MYO5B: variants seen among roughly 807,000 people sequenced by gnomAD.
MYO5B encodes unconventional myosin-Vb.
MYO5B carries 143 observed loss-of-function variants against 229.3 expected under a neutral mutation model. The ratio of observed to expected loss-of-function variants is 0.62; its 90% CI spans 0.54 to 0.72. MYO5B has a LOEUF of 0.72. MYO5B is among the 30% of genes least tolerant of loss of function. The probability of loss-of-function intolerance (pLI) is 0.00; values close to 1 mark genes in which losing one functional copy is unlikely to be tolerated. For synonymous variants in MYO5B, 918 were observed against 885.2 expected (o/e 1.04, Z -0.66); for missense variants, 2,321 against 2,331.0 (o/e 1.00, Z 0.09).
intron 2 of MYO5B, among the ~76,000 whole-genome samples, chr18:50,040,584 T>C (rs1296350741): frequency 6.6e-6 from 1 of 152,204 alleles, no homozygotes; most frequent in Non-Finnish European, 1.5e-5. Flanking sequence ...GGAAAAATAC[T>C]GAGTCTTTAA....
chr18:50,067,516 A>T (rs75681161), intron 1 of MYO5B, among the ~76,000 whole-genome samples: 1,712 of 152,210 alleles, frequency 0.011, 17 homozygotes, highest in Non-Finnish European at 0.018. Flanking sequence ...TCAATCCCCA[A>T]TATTGGAGAT....
intron 14 of MYO5B, among the ~76,000 whole-genome samples, chr18:49,942,563 C>T (rs1207898862): frequency 3.9e-5 from 6 of 152,110 alleles, no homozygotes; most frequent in Non-Finnish European, 7.4e-5. Context: ...AGGATATGAA[C>T]AGACACTTCT....
intron 8 of MYO5B, among the ~76,000 whole-genome samples, chr18:49,982,175 A>G (rs770302008): frequency 1.3e-5 from 2 of 152,122 alleles, no homozygotes; most frequent in African/African-American, 2.4e-5. Context: ...GGCTCAAGCA[A>G]TCCTCCCACT....
chr18:50,102,231 A>C (rs1239904975), intron 1 of MYO5B, among the ~76,000 whole-genome samples: 6 of 152,172 alleles, frequency 3.9e-5, no homozygotes, highest in Admixed American at 3.3e-4. Context: ...GGGGAACAAC[A>C]TACACTGAGA....
At chr18:49,877,443 G>A (rs918997456) in intron 25 of MYO5B, among the ~76,000 whole-genome samples, 1 of 152,194 alleles carries the variant, frequency 6.6e-6, no homozygotes, top group African/African-American at 2.4e-5. Context: ...TGACTTAGCT[G>A]TTCCTTCCTA....
At chr18:50,119,667 C>T (rs2032025865) in intron 1 of MYO5B, among the ~76,000 whole-genome samples, 1 of 152,136 alleles carries the variant, frequency 6.6e-6, no homozygotes, top group South Asian at 2.1e-4. Context: ...GTCTCCTTCT[C>T]CTAAGGGAGG....
intron 1 of MYO5B, among the ~76,000 whole-genome samples, chr18:50,158,955 T>TA (rs2032723610): frequency 1.3e-5 from 2 of 152,180 alleles, no homozygotes; most frequent in South Asian, 4.1e-4. Flanking sequence ...TGTTTGCCGT[T>TA]ATCATTATTA....
At chr18:49,870,599 T>C (rs771888354) in intron 27 of MYO5B, among the ~76,000 whole-genome samples, 5 of 152,078 alleles carry the variant, frequency 3.3e-5, no homozygotes, top group Non-Finnish European at 7.4e-5. Context: ...CCAAACAGCA[T>C]AATTCAGAAA....
rs532612421 is a variant in MYO5B, at chr18:49,909,170, T to C, written c.2203-2540A>G. On this transcript the variant is annotated intron_variant, in intron 18 of 39. Transcript: ENST00000285039. Reference sequence around the variant, plus strand: ...ACACGCAGCTCTGTCAAGTCTTAGTTTCTCGATACAAAGTCCCAGGTCACT... The same window carrying C: ...ACACGCAGCTCTGTCAAGTCTTAGTCTCTCGATACAAAGTCCCAGGTCACT... Among the ~76,000 whole-genome samples the C allele has an allele frequency of 1.2e-4, 19 of 152,348 alleles. No homozygotes were observed. In the South Asian group the frequency reaches 3.9e-3, roughly 32 times the overall value.
intron 32 of MYO5B, among the ~76,000 whole-genome samples, chr18:49,847,657 CTTT>C (rs996981100): frequency 1.3e-5 from 2 of 152,260 alleles, no homozygotes; most frequent in Non-Finnish European, 2.9e-5. Context: ...AGCTGCTTCT[CTTT>C]CCCTACTGAC....
intron 1 of MYO5B, among the ~76,000 whole-genome samples, chr18:50,065,755 A>G (rs1267613803): frequency 6.6e-6 from 1 of 152,164 alleles, no homozygotes; most frequent in Non-Finnish European, 1.5e-5. Flanking sequence ...ACCGACATTC[A>G]CAGCATGTGA....
At chr18:49,952,669 A>G (rs945969876) in intron 14 of MYO5B, among the ~76,000 whole-genome samples, 1 of 152,206 alleles carries the variant, frequency 6.6e-6, no homozygotes. Context: ...TAGAATGGAC[A>G]CAATATTTGC....
intron 1 of MYO5B, among the ~76,000 whole-genome samples, chr18:50,120,024 C>T (rs140842622): frequency 3.0e-4 from 45 of 152,150 alleles, no homozygotes; most frequent in East Asian, 1.9e-4. Flanking sequence ...CTAGCACATA[C>T]GGCACTAAAA....
At chr18:49,916,747 G>T (rs1246945869) in intron 17 of MYO5B, among the ~76,000 whole-genome samples, 1 of 152,054 alleles carries the variant, frequency 6.6e-6, no homozygotes, top group Non-Finnish European at 1.5e-5. Context: ...CCCACTATGG[G>T]GTCTGGGAAA....
chr18:49,892,069 T>G (rs2024721773), intron 22 of MYO5B, among the ~76,000 whole-genome samples: 1 of 152,264 alleles, frequency 6.6e-6, no homozygotes, highest in Non-Finnish European at 1.5e-5. Flanking sequence ...GTCACCTCTG[T>G]GCCTAGGGCA....
intron 1 of MYO5B, among the ~76,000 whole-genome samples, chr18:50,183,875 T>C (rs972160133): frequency 6.6e-6 from 1 of 152,126 alleles, no homozygotes; most frequent in Admixed American, 6.5e-5. Context: ...AATGGATTCA[T>C]TCCCACGACA....
At chr18:49,941,898 A>G (rs7236471) in intron 14 of MYO5B, among the ~76,000 whole-genome samples, 48,864 of 103,454 alleles carry the variant, frequency 0.47, 11,755 homozygotes, top group Middle Eastern at 0.69. Flanking sequence ...GAACAAAGCC[A>G]GAGGCATCAT....
chr18:49,947,356 T>A (rs1490732330), intron 14 of MYO5B, among the ~76,000 whole-genome samples: 1 of 151,974 alleles, frequency 6.6e-6, no homozygotes, highest in African/African-American at 2.4e-5. Context: ...CCGCCTGCCT[T>A]GGCCTCCCGA....
intron 1 of MYO5B, among the ~76,000 whole-genome samples, chr18:50,162,440 G>A (rs184534401): frequency 1.3e-5 from 2 of 152,294 alleles, no homozygotes; most frequent in Non-Finnish European, 2.9e-5. Context: ...AATTTGGAAG[G>A]ACTGTGCTGA....
Sources: gnomAD v4.1 joint callset for allele counts (sites outside exome capture counted in the v4.1 genomes callset) on GRCh38, gnomAD v4.1.1 for gene constraint, MANE v1.5 for transcripts, NCBI Gene and HGNC (gene_info 2026-07-23, HGNC 2026-07-21) for gene names.